Variants in NRG3 observed in about 807,000 individuals in gnomAD.
NRG3 encodes the protein pro-neuregulin-3, membrane-bound isoform.
Under a neutral mutation model 66.9 loss-of-function variants are expected in NRG3, and 31 were observed. The observed-to-expected ratio is 0.46, with a 90% CI of 0.35 to 0.63. The LOEUF is 0.63. NRG3 is among the 20% of genes least tolerant of loss of function. The probability of loss-of-function intolerance (pLI) is 0.00; values close to 1 mark genes in which losing one functional copy is unlikely to be tolerated. For synonymous variants in NRG3, 393 were observed against 359.4 expected, an observed-to-expected ratio of 1.09 and a Z score of -1.06; for missense variants, 910 against 878.9, an observed-to-expected ratio of 1.04 and a Z score of -0.45.
intron 2 of NRG3, among the ~76,000 whole-genome samples, chr10:82,542,922 G>C (rs901635823): frequency 4.8e-5 from 7 of 144,822 alleles, no homozygotes; most frequent in Non-Finnish European, 9.1e-5. Context: ...AACGAGTTTT[G>C]CTCTTGTCTC....
At chr10:82,758,059 T>G (rs571466547) in intron 3 of NRG3, among the ~76,000 whole-genome samples, 1 of 152,070 alleles carries the variant, frequency 6.6e-6, no homozygotes, top group East Asian at 1.9e-4. Context: ...CCTCAAATGG[T>G]TTGTCTTACC....
intron 1 of NRG3, among the ~76,000 whole-genome samples, chr10:82,005,031 G>A (rs2061331435): frequency 6.6e-6 from 1 of 152,242 alleles, no homozygotes; most frequent in Non-Finnish European, 1.5e-5. Flanking sequence ...ACAGCCTGAG[G>A]TGTGGAGGAC....
intron 2 of NRG3, among the ~76,000 whole-genome samples, chr10:82,723,604 T>C (rs1285344091): frequency 6.6e-6 from 1 of 152,186 alleles, no homozygotes; most frequent in Non-Finnish European, 1.5e-5. Context: ...AATAGAATGA[T>C]AGTCTATAAA....
At chr10:81,975,315 A>ATCTATCTG (rs1203520460) in intron 1 of NRG3, among the ~76,000 whole-genome samples, 84 of 4,470 alleles carry the variant, frequency 0.019, no homozygotes, top group African/African-American at 0.079. Flanking sequence ...ATTGTGTAAC[A>ATCTATCTG]TCTATCTATC....
chr10:81,952,274 T>G (rs572665726), intron 1 of NRG3, among the ~76,000 whole-genome samples: 2 of 152,150 alleles, frequency 1.3e-5, no homozygotes, highest in Non-Finnish European at 2.9e-5. Flanking sequence ...TATTATGCCT[T>G]AGTCCGGTCC....
chr10:82,271,504 T>C (rs559760340), intron 1 of NRG3, among the ~76,000 whole-genome samples: 1 of 152,240 alleles, frequency 6.6e-6, no homozygotes, highest in South Asian at 2.1e-4. Context: ...GAAAATCCCC[T>C]TAAAGGTGTT....
At chr10:82,938,472 A>T (rs1018774601) in intron 4 of NRG3, among the ~76,000 whole-genome samples, 2 of 152,216 alleles carry the variant, frequency 1.3e-5, no homozygotes, top group African/African-American at 2.4e-5. Context: ...GATAGTTACA[A>T]CTTAAGCCTG....
At chr10:82,656,936 C>CCCCTCT (rs1565172920) in intron 2 of NRG3, among the ~76,000 whole-genome samples, 3 of 152,146 alleles carry the variant, frequency 2.0e-5, no homozygotes, top group African/African-American at 7.2e-5. Context: ...TCTTCTCTCT[C>CCCCTCT]GTCTCTGGCT....
intron 4 of NRG3, among the ~76,000 whole-genome samples, chr10:82,937,645 G>A (rs1848211172): frequency 6.6e-6 from 1 of 152,360 alleles, no homozygotes; most frequent in Admixed American, 6.5e-5. Context: ...TATGGGAGAA[G>A]GGAAAGTGGC....
intron 3 of NRG3, among the ~76,000 whole-genome samples, chr10:82,763,493 G>A (rs1412202111): frequency 6.6e-6 from 1 of 152,008 alleles, no homozygotes; most frequent in East Asian, 1.9e-4. Flanking sequence ...TAGACTTGTA[G>A]CATAAAACAA....
chr10:82,549,734 T>C (rs1284259404), intron 2 of NRG3, among the ~76,000 whole-genome samples: 1 of 152,146 alleles, frequency 6.6e-6, no homozygotes. Context: ...TTCTCATCAA[T>C]GTTGGATAAT....
intron 1 of NRG3, among the ~76,000 whole-genome samples, chr10:82,310,283 G>A (rs1589676195): frequency 6.6e-6 from 1 of 152,154 alleles, no homozygotes; most frequent in Admixed American, 6.5e-5. Flanking sequence ...TGTATTTTCC[G>A]AGTAAGTCCA....
At chr10:82,716,980 T>C (rs1403521517) in intron 2 of NRG3, among the ~76,000 whole-genome samples, 1 of 152,192 alleles carries the variant, frequency 6.6e-6, no homozygotes, top group African/African-American at 2.4e-5. Context: ...TCAGTGAAAA[T>C]AAGTTTATTA....
At chr10:82,959,239 T>C (rs548504100) in intron 6 of NRG3, among the ~76,000 whole-genome samples, 164 bp downstream of exon 6, 15 of 152,346 alleles carry the variant, frequency 9.8e-5, no homozygotes, top group African/African-American at 3.1e-4. Flanking sequence ...CACACATGCA[T>C]GTATGTATGC....
Position 82,752,277 on chromosome 10 carries a change from G to C in NRG3, c.1027+13627G>C, listed in dbSNP as rs141330538. Among the ~76,000 whole-genome samples, 116 of 151,990 alleles carry C rather than the reference G, an allele frequency of 7.6e-4. 1 individual carries two copies. The highest frequency in any genetic ancestry group is 2.7e-3 in the African/African-American group (113 of 41,416). ...GGTTCAGTATCAAACAGCATAAAGAGGTTTACAATAAAATGTATTCTACCC... is the reference window on the plus strand; with the variant it reads ...GGTTCAGTATCAAACAGCATAAAGACGTTTACAATAAAATGTATTCTACCC... On this transcript the variant is annotated intron_variant, in intron 3 of 8. Transcript: ENST00000372141.
chr10:82,072,824 T>A (rs2064883281), intron 1 of NRG3, among the ~76,000 whole-genome samples: 1 of 152,116 alleles, frequency 6.6e-6, no homozygotes, highest in Admixed American at 6.5e-5. Flanking sequence ...TGGAGTGCAG[T>A]GGCACAATTA....
chr10:81,973,412 G>A (rs193048467), intron 1 of NRG3, among the ~76,000 whole-genome samples: 23 of 152,210 alleles, frequency 1.5e-4, no homozygotes, highest in Non-Finnish European at 2.9e-4. Flanking sequence ...ATATTCCTTT[G>A]GGTATATACC....
intron 2 of NRG3, among the ~76,000 whole-genome samples, chr10:82,420,967 C>G (rs1175341173): frequency 6.6e-6 from 1 of 151,966 alleles, no homozygotes; most frequent in Admixed American, 6.6e-5. Flanking sequence ...TTGGAGATTG[C>G]CAGGGATTGG....
chr10:82,573,852 A>C (rs935720625), intron 2 of NRG3, among the ~76,000 whole-genome samples: 1 of 151,790 alleles, frequency 6.6e-6, no homozygotes, highest in Non-Finnish European at 1.5e-5. Flanking sequence ...AGAGACCTCA[A>C]AAAAGGCTTC....
Sources: allele counts gnomAD v4.1 joint callset (sites outside exome capture counted in the v4.1 genomes callset), GRCh38; gene constraint gnomAD v4.1.1; transcripts MANE v1.5; gene names NCBI Gene and HGNC (gene_info 2026-07-23, HGNC 2026-07-21).